The following DENND1A variants were observed in gnomAD, a reference collection of about 807,000 sequenced individuals.
The protein encoded by DENND1A is DENN domain-containing protein 1A.
DENND1A carries 51 observed loss-of-function variants against 113.7 expected under a neutral mutation model. The observed-to-expected ratio is 0.45, with a 90% CI of 0.36 to 0.57. DENND1A has a LOEUF of 0.57. Among genes scored for constraint, DENND1A ranks in the 20% least tolerant of loss-of-function variants. The probability of loss-of-function intolerance (pLI) is 0.00; values close to 1 mark genes in which losing one functional copy is unlikely to be tolerated. For missense variants in DENND1A, 1,258 were observed against 1,395.9 expected, an observed-to-expected ratio of 0.90 and a Z score of 1.57; for synonymous variants, 565 against 570.8, an observed-to-expected ratio of 0.99 and a Z score of 0.14.
Position 123,575,605 on chromosome 9 carries a change from T to C in DENND1A, c.867+7564A>G, listed in dbSNP as rs1016523395. Among the ~76,000 whole-genome samples, 3 of 152,358 alleles carry C rather than the reference T, an allele frequency of 2.0e-5. No homozygotes were observed. The South Asian group carries it at 6.2e-4, about 32-fold the overall frequency. ...AAAATTGATCGTTTGGTTAAGGTAGTGTCTGCCAGTTTCTCCACTAAAGTT... is the reference window on the plus strand; with the variant it reads ...AAAATTGATCGTTTGGTTAAGGTAGCGTCTGCCAGTTTCTCCACTAAAGTT... On this transcript the variant is annotated intron_variant, in intron 12 of 23. Transcript: ENST00000394215.
intron 13 of DENND1A, among the ~76,000 whole-genome samples, chr9:123,522,385 G>A (rs915964811): frequency 3.9e-5 from 6 of 152,228 alleles, no homozygotes; most frequent in African/African-American, 1.4e-4. Flanking sequence ...GAGAGTGGTC[G>A]TGTGGGCAGG....
At chr9:123,830,077 G>A (rs1025323190) in intron 2 of DENND1A, among the ~76,000 whole-genome samples, 3 of 152,134 alleles carry the variant, frequency 2.0e-5, no homozygotes, top group Non-Finnish European at 4.4e-5. Context: ...TTTAAAAACT[G>A]TGTCTCACCT....
At chr9:123,426,840 C>T (rs1055920486) in intron 19 of DENND1A, among the ~76,000 whole-genome samples, 2 of 152,184 alleles carry the variant, frequency 1.3e-5, no homozygotes, top group East Asian at 1.9e-4. Flanking sequence ...AAATCAGTTG[C>T]CACCTCATCG....
chr9:123,704,379 T>A (rs916298410), intron 5 of DENND1A, among the ~76,000 whole-genome samples: 3 of 152,224 alleles, frequency 2.0e-5, no homozygotes, highest in Non-Finnish European at 4.4e-5. Context: ...GATTAAATTC[T>A]ATCAGCAGAA....
At chr9:123,469,673 C>T (rs146890000) in intron 13 of DENND1A, among the ~76,000 whole-genome samples, 1 of 152,218 alleles carries the variant, frequency 6.6e-6, no homozygotes, top group Non-Finnish European at 1.5e-5. Flanking sequence ...AGATGGGAAT[C>T]GGCTCTAAGA....
intron 13 of DENND1A, among the ~76,000 whole-genome samples, chr9:123,535,784 C>T (rs2055713831): frequency 6.6e-6 from 1 of 152,198 alleles, no homozygotes; most frequent in African/African-American, 2.4e-5. Context: ...GGTTTTTCTT[C>T]ATGGCACGCA....
intron 13 of DENND1A, among the ~76,000 whole-genome samples, chr9:123,533,704 A>C (rs2055511487): frequency 6.6e-6 from 1 of 152,220 alleles, no homozygotes; most frequent in African/African-American, 2.4e-5. Flanking sequence ...TCAAAGCTGC[A>C]GGAAGGAATT....
intron 7 of DENND1A, among the ~76,000 whole-genome samples, chr9:123,671,071 G>A (rs142731497): frequency 5.9e-4 from 90 of 152,320 alleles, no homozygotes; most frequent in African/African-American, 2.2e-3. Context: ...GGCCACAGAG[G>A]AGGGTGGGGA....
At chr9:123,796,382 T>C (rs1833758980) in intron 2 of DENND1A, among the ~76,000 whole-genome samples, 1 of 152,212 alleles carries the variant, frequency 6.6e-6, no homozygotes, top group Non-Finnish European at 1.5e-5. Context: ...AAAAGCTATG[T>C]CTTCACAGCA....
chr9:123,563,051 G>A (rs1403309519), intron 12 of DENND1A, among the ~76,000 whole-genome samples: 1 of 152,114 alleles, frequency 6.6e-6, no homozygotes. Context: ...TTTAGTGACG[G>A]ATCATTAGAA....
At chr9:123,468,705 G>T (rs931057454) in intron 13 of DENND1A, among the ~76,000 whole-genome samples, 4 of 152,200 alleles carry the variant, frequency 2.6e-5, no homozygotes, top group African/African-American at 9.6e-5. Context: ...AGCTAGTGTG[G>T]TGTCTGGCCT....
intron 2 of DENND1A, among the ~76,000 whole-genome samples, chr9:123,866,242 GCTTATTTTC>G (rs1284070812): frequency 2.4e-4 from 37 of 152,100 alleles, no homozygotes; most frequent in African/African-American, 8.5e-4. Flanking sequence ...TCTAATCCTA[GCTTATTTTC>G]TCAGCATCTG....
rs899581208 is a variant in DENND1A at position 123,472,496 on chromosome 9, G to T, written c.994-14599C>A. On this transcript the variant is annotated intron_variant, in intron 13 of 23. Transcript: ENST00000394215. Reference sequence around the variant, plus strand: ...GCCAGAGATCTGAGATGTGGTGGGTGCCAGACCCTCAAAATACACACAAAA... The same window carrying T: ...GCCAGAGATCTGAGATGTGGTGGGTTCCAGACCCTCAAAATACACACAAAA... Among the ~76,000 whole-genome samples, 3 of 152,134 alleles carry T rather than the reference G, an allele frequency of 2.0e-5. No individual in the cohort carries two copies. In the East Asian group the frequency reaches 5.8e-4, roughly 29 times the overall value.
At chr9:123,609,592 G>T in intron 10 of DENND1A, 111 bp from the exon 11 acceptor site, 1 of 1,194,538 alleles carries the variant, frequency 8.4e-7, no homozygotes, top group Non-Finnish European at 1.2e-6. Flanking sequence ...CGTATGCATA[G>T]TTACATTTCC....
At chr9:123,805,036 G>T (rs1192592030) in intron 2 of DENND1A, among the ~76,000 whole-genome samples, 2 of 152,014 alleles carry the variant, frequency 1.3e-5, no homozygotes, top group Non-Finnish European at 2.9e-5. Flanking sequence ...TCTCAAACAT[G>T]CATGCCATGC....
chr9:123,496,684 A>T (rs547875657), intron 13 of DENND1A, among the ~76,000 whole-genome samples: 1 of 152,342 alleles, frequency 6.6e-6, no homozygotes, highest in South Asian at 2.1e-4. Flanking sequence ...TATCCTGTGA[A>T]TCGGACCCAC....
At chr9:123,856,930 A>C (rs1043747166) in intron 2 of DENND1A, among the ~76,000 whole-genome samples, 4 of 152,140 alleles carry the variant, frequency 2.6e-5, no homozygotes, top group Non-Finnish European at 4.4e-5. Context: ...CAAATATGGA[A>C]AGGGAGAAAA....
At chr9:123,785,311 C>A (rs1438801532) in intron 3 of DENND1A, among the ~76,000 whole-genome samples, 1 of 152,090 alleles carries the variant, frequency 6.6e-6, no homozygotes, top group Non-Finnish European at 1.5e-5. Flanking sequence ...ATGATTGCAC[C>A]ACTGCACTCC....
chr9:123,499,479 C>T (rs1036361052), intron 13 of DENND1A, among the ~76,000 whole-genome samples: 7 of 152,314 alleles, frequency 4.6e-5, no homozygotes, highest in Admixed American at 1.3e-4. Context: ...TTCCCCCAGC[C>T]CTTGCTGAGC....
Sources: allele counts gnomAD v4.1 joint callset (sites outside exome capture counted in the v4.1 genomes callset), GRCh38; gene constraint gnomAD v4.1.1; transcripts MANE v1.5; gene names NCBI Gene and HGNC (gene_info 2026-07-23, HGNC 2026-07-21).